The following COL15A1 variants were observed in gnomAD, a reference collection of about 807,000 sequenced individuals.
The protein encoded by COL15A1 is collagen type XV alpha 1 chain.
A neutral mutation model predicts 165.9 loss-of-function variants in COL15A1; 111 were observed. That is an observed-to-expected ratio of 0.67 (90% CI 0.57 to 0.78). The LOEUF is 0.78. COL15A1 is among the 30% of genes least tolerant of loss of function. The probability of loss-of-function intolerance (pLI) is 0.00; values close to 1 mark genes in which losing one functional copy is unlikely to be tolerated. For missense variants in COL15A1, 1,745 were observed against 1,789.7 expected (o/e 0.98, Z 0.45); for synonymous variants, 659 against 674.8 (o/e 0.98, Z 0.36).
At chr9:98,946,063 G>C (rs903979620) in intron 2 of COL15A1, among the ~76,000 whole-genome samples, 1 of 152,194 alleles carries the variant, frequency 6.6e-6, no homozygotes, top group South Asian at 2.1e-4. Flanking sequence ...GATGTGAAAC[G>C]ATTCCTAAAA....
rs1041947391 is a variant in COL15A1 at position 98,973,518 on chromosome 9, C to T, written c.101-12047C>T. Among the ~76,000 whole-genome samples the T allele has an allele frequency of 3.4e-4, 52 of 152,186 alleles. 1 individual carries two copies. Among genetic ancestry groups the T allele is most frequent in the African/African-American group, 1.2e-3 (50 of 41,438 alleles). ...TCGGGTGATAGGTTTTTCTAAGAAC[C>T]TCTCGCACCTTTGCTGGGTGCAGAT... is the stretch of plus-strand genomic sequence containing the variant. On this transcript the variant is annotated intron_variant, in intron 2 of 41. Transcript: ENST00000375001.
chr9:98,989,197 G>C lies in COL15A1; in HGVS notation c.743G>C (p.Gly248Ala). 6.2e-7 allele frequency: 1 copy of C among 1,614,176 alleles called. No homozygotes were observed. The highest frequency in any genetic ancestry group is 8.5e-7 in the Non-Finnish European group (1 of 1,180,002). ...ACACAGGCATCTGGAGAGACCAGTG[G>C]GCTGCAGGAGGCAGACGGAGTAGCT... ...EESSASGETS[G>A]LQEADGVAEI... is the part of the protein sequence containing the mutation. Residue 248 changes from glycine to alanine, a missense_variant, in exon 5 of 42, where the codon GGG becomes GCG. Gly to Ala is a moderately conservative substitution (Grantham distance 60). Transcript: ENST00000375001.
intron 13 of COL15A1, among the ~76,000 whole-genome samples, chr9:99,023,032 A>G (rs1588519724): frequency 6.6e-6 from 1 of 152,106 alleles, no homozygotes; most frequent in African/African-American, 2.4e-5. Context: ...AGCACTGTGG[A>G]GGGAGAGAAT....
chr9:99,061,651 G>T (rs551188668), intron 36 of COL15A1, among the ~76,000 whole-genome samples: 1 of 152,310 alleles, frequency 6.6e-6, no homozygotes, highest in African/African-American at 2.4e-5. Flanking sequence ...CAGTGCTTTT[G>T]CTAATACCCA....
chr9:99,053,057 G>T (rs16918167), intron 31 of COL15A1, among the ~76,000 whole-genome samples: 45,887 of 152,080 alleles, frequency 0.3, 8,009 homozygotes, highest in East Asian at 0.64. Flanking sequence ...GAGGGTTTGA[G>T]TAGTAAATGT....
At chr9:98,993,724 C>T (rs1001509496) in intron 5 of COL15A1, among the ~76,000 whole-genome samples, 1 of 152,158 alleles carries the variant, frequency 6.6e-6, no homozygotes, top group South Asian at 2.1e-4. Context: ...GGGGACTTCC[C>T]CCTTTTAACA....
At chr9:99,035,255 A>T in intron 18 of COL15A1, 95 bp from the exon 19 acceptor site, 2 of 1,597,036 alleles carry the variant, frequency 1.3e-6, no homozygotes, top group Non-Finnish European at 1.7e-6. Context: ...GGCTGTGCGG[A>T]TTCCCCTGTG....
At chr9:99,037,946 T>C (rs1319948954) in intron 21 of COL15A1, among the ~76,000 whole-genome samples, 1 of 151,902 alleles carries the variant, frequency 6.6e-6, no homozygotes, top group African/African-American at 2.4e-5. Context: ...ATGATGGAAA[T>C]TGGAGAGAAG....
At chr9:99,020,202 G>C (rs1425308468) in intron 11 of COL15A1, among the ~76,000 whole-genome samples, 187 bp from the exon 12 acceptor site, 3 of 152,182 alleles carry the variant, frequency 2.0e-5, no homozygotes, top group Admixed American at 2.0e-4. Context: ...CTTATTATCT[G>C]CCGGTGCAGG....
intron 32 of COL15A1, among the ~76,000 whole-genome samples, 156 bp downstream of exon 32, chr9:99,054,812 G>A (rs1162884699): frequency 6.6e-6 from 1 of 152,200 alleles, no homozygotes; most frequent in Non-Finnish European, 1.5e-5. Context: ...CATGGGCCTG[G>A]CATGTCCAAT....
chr9:99,002,846 AC>A (rs1336162287), intron 7 of COL15A1, among the ~76,000 whole-genome samples: 3 of 152,316 alleles, frequency 2.0e-5, no homozygotes, highest in Admixed American at 2.0e-4. Flanking sequence ...GTTTTTTGTA[AC>A]CAAAAGAACC....
chr9:98,950,862 C>A (rs1485737755), intron 2 of COL15A1, among the ~76,000 whole-genome samples: 3 of 152,136 alleles, frequency 2.0e-5, no homozygotes, highest in Non-Finnish European at 4.4e-5. Context: ...CTCGGCCTCC[C>A]AAAGTGCTGG....
At chr9:99,054,186 A>G (rs948467660) in intron 31 of COL15A1, among the ~76,000 whole-genome samples, 2 of 152,156 alleles carry the variant, frequency 1.3e-5, no homozygotes, top group African/African-American at 4.8e-5. Context: ...CATGCTACAC[A>G]GGCCTAGATG....
intron 21 of COL15A1, among the ~76,000 whole-genome samples, chr9:99,037,115 T>A (rs1386708233): frequency 1.3e-5 from 2 of 152,190 alleles, no homozygotes; most frequent in Non-Finnish European, 2.9e-5. Flanking sequence ...CATGGGAAGA[T>A]GTCCACACAA....
intron 2 of COL15A1, among the ~76,000 whole-genome samples, chr9:98,970,886 A>G (rs895452778): frequency 6.6e-6 from 1 of 152,032 alleles, no homozygotes; most frequent in Non-Finnish European, 1.5e-5. Context: ...TTGTATATCT[A>G]TGTGTTAGTT....
At chr9:99,067,278 A>G (rs1825911320) in intron 40 of COL15A1, among the ~76,000 whole-genome samples, 1 of 152,096 alleles carries the variant, frequency 6.6e-6, no homozygotes, top group African/African-American at 2.4e-5. Context: ...AGGAGGAGAG[A>G]TAGTGATAAC....
At chr9:99,061,943 AG>A in intron 36 of COL15A1, 27 bp from the exon 37 acceptor site, 4 of 1,602,526 alleles carry the variant, frequency 2.5e-6, no homozygotes, top group Non-Finnish European at 3.4e-6. Flanking sequence ...TGATAATGGC[AG>A]TGTTTGGAAT....
intron 31 of COL15A1, 141 bp from the exon 32 acceptor site, chr9:99,054,435 A>T (rs1322024235): frequency 3.6e-6 from 3 of 828,620 alleles, no homozygotes; most frequent in Non-Finnish European, 5.5e-6. Context: ...TTATGATTTT[A>T]CACTTGCTGA....
At chr9:99,031,560 A>T (rs1839213654) in intron 16 of COL15A1, among the ~76,000 whole-genome samples, 1 of 152,152 alleles carries the variant, frequency 6.6e-6, no homozygotes, top group South Asian at 2.1e-4. Flanking sequence ...TTTTGCGGAC[A>T]CGTCATGGCC....
Sources: gnomAD v4.1 joint callset for allele counts (sites outside exome capture counted in the v4.1 genomes callset) on GRCh38, gnomAD v4.1.1 for gene constraint, MANE v1.5 for transcripts, NCBI Gene and HGNC (gene_info 2026-07-23, HGNC 2026-07-21) for gene names.